KDM5A: variants seen among roughly 807,000 people sequenced by gnomAD.
KDM5A encodes lysine-specific demethylase 5A.
KDM5A carries 42 observed loss-of-function variants against 193.5 expected under a neutral mutation model. The observed-to-expected ratio is 0.22, with a 90% CI of 0.17 to 0.28. KDM5A has a LOEUF of 0.28. Ranked by LOEUF, KDM5A falls within the 10% of genes least tolerant of loss-of-function variation. The probability of loss-of-function intolerance (pLI) is 1.00; values close to 1 mark genes in which losing one functional copy is unlikely to be tolerated. For missense variants in KDM5A, 1,692 were observed against 2,055.1 expected (o/e 0.82, Z 3.42); for synonymous variants, 796 against 718.1 (o/e 1.11, Z -1.73).
At chr12:351,128 C>T (rs1191613522) in intron 9 of KDM5A, among the ~76,000 whole-genome samples, 3 of 152,122 alleles carry the variant, frequency 2.0e-5, no homozygotes, top group African/African-American at 7.2e-5. Context: ...ATGATTTTAA[C>T]ACAAAATTTC....
At position 349,208 on chromosome 12, in the gene KDM5A, C is replaced by T. The variant is rs920838437; in HGVS notation, c.1308+1413G>A. Among the ~76,000 whole-genome samples the T allele has an allele frequency of 5.3e-5, 8 of 151,446 alleles. 1 individual carries two copies. The highest frequency in any genetic ancestry group is 4.2e-4 in the South Asian group (2 of 4,796). On this transcript the variant is annotated intron_variant, in intron 10 of 27. Transcript: ENST00000399788. ...GTTAATTTTTTATATTTAGTAGAGA[C>T]GGGGTTTCACCATGTTGGTCAGGCT... is the stretch of plus-strand genomic sequence containing the variant.
rs1944308725 is a variant in KDM5A, at chr12:362,837, A to T, written c.672+126T>A. ...TGAGCCAGGCACAGCAGCGCATACC[A>T]ACCAGCAATACTCAAGAGGCGGAGG... On this transcript the variant is annotated intron_variant, in intron 5 of 27. Coordinates refer to ENST00000399788, the MANE Select transcript of KDM5A (RefSeq NM_001042603.3). The T allele has an allele frequency of 4.8e-6, 4 of 841,130 alleles. No homozygotes were observed. In the Admixed American group the frequency reaches 8.4e-5, roughly 18 times the overall value. 52.1% of individuals were successfully genotyped at this position (841,130 alleles called of 1,614,324 possible). A position where few individuals can be genotyped will look rare whatever the true frequency, so the allele number is the denominator to read the frequency against.
At position 307,431 on chromosome 12, in the gene KDM5A, A is replaced by C. The variant is rs1342805146; in HGVS notation, c.3930+23T>G. On this transcript the variant is annotated intron_variant, in intron 23 of 27. Coordinates refer to ENST00000399788, the MANE Select transcript of KDM5A (RefSeq NM_001042603.3). This position sits in a 1 kb window ranked among gnomAD's most constrained non-coding sequence, Gnocchi z 4.3. The stretch of plus-strand genomic sequence containing the variant: ...ACTGACATATCCCATGAAATAGAAA[A>C]AGAATGTAAATCCTAAACTTGCCTG... 1 of 1,608,540 alleles carries C rather than the reference A, an allele frequency of 6.2e-7. No homozygotes were observed. The highest frequency in any genetic ancestry group is 8.5e-7 in the Non-Finnish European group (1 of 1,176,670).
Position 307,701 on chromosome 12 carries a change from G to A in KDM5A, c.3683C>T (p.Ser1228Leu). Residue 1228 changes from serine to leucine, a missense_variant, in exon 23 of 28, where the codon TCA becomes TTA. Coordinates refer to ENST00000399788, the MANE Select transcript of KDM5A (RefSeq NM_001042603.3). The surrounding 1 kb of genome is among the most constrained non-coding windows in gnomAD (Gnocchi z 4.3). ...CAACTTCTGAAGGGATACCAGGAGT[G>A]ACAGAATAGTCTCTAGCCTGGGCCT... ...SRRPRLETIL[S>L]LLVSLQKLPV... 8 of 1,614,148 alleles carry A rather than the reference G, an allele frequency of 5.0e-6. No individual in the cohort carries two copies. Among genetic ancestry groups the A allele is most frequent in the Non-Finnish European group, 6.8e-6 (8 of 1,180,030 alleles).
intron 1 of KDM5A, chr12:388,257 C>T (rs1417506289): frequency 1.5e-5 from 7 of 455,744 alleles, no homozygotes; most frequent in Admixed American, 2.4e-5. Flanking sequence ...TATAATTAAC[C>T]TTATAGGCAA....
intron 19 of KDM5A, among the ~76,000 whole-genome samples, chr12:314,804 G>C (rs1943630708): frequency 6.6e-6 from 1 of 152,174 alleles, no homozygotes; most frequent in Non-Finnish European, 1.5e-5. Context: ...TGCAGAGAAA[G>C]AACACAGATG....
In KDM5A at chr12:354,239, T is replaced by TA. The variant is rs774270936; in HGVS notation, c.871-6dup. 4.3e-3 allele frequency: 6,244 copies of TA among 1,464,072 alleles called. 12 individuals are homozygous for TA. The highest frequency in any genetic ancestry group is 0.02 in the African/African-American group (1,383 of 70,642). 90.7% of individuals were successfully genotyped at this position (1,464,072 alleles called of 1,614,324 possible). On this transcript the variant is annotated splice_polypyrimidine_tract_variant and splice_region_variant and intron_variant, in intron 7 of 27. Transcript: ENST00000399788. ...CATACAAACATAGAGATCAACCTGT[T>TA]AAAAAAAAAATAAATGAAAGTCTAT...
chr12:281,439 C>T lies in KDM5A; in HGVS notation c.*4017G>A. On this transcript the variant is annotated 3_prime_UTR_variant, in exon 28 of 28. Transcript: ENST00000399788. The stretch of plus-strand genomic sequence containing the variant: ...GGATATGATCCAGGCCAAGACAAGA[C>T]CAAAATTCAAAAAATACATTAACAG... The T allele has an allele frequency of 4.3e-6, 1 of 232,974 alleles. No homozygotes were observed. The allele number at this position is 232,974 out of a possible 1,614,324, so 14.4% of individuals were successfully genotyped here.
chr12:361,398 G>A (rs906920231), intron 5 of KDM5A, among the ~76,000 whole-genome samples: 6 of 152,090 alleles, frequency 3.9e-5, no homozygotes, highest in African/African-American at 1.4e-4. Context: ...ATTTCACCGT[G>A]TTAGCCAGGA....
At chr12:337,116 T>C (rs1415511023) in intron 10 of KDM5A, among the ~76,000 whole-genome samples, 1 of 152,294 alleles carries the variant, frequency 6.6e-6, no homozygotes, top group East Asian at 1.9e-4. Flanking sequence ...TTTAAAAGTG[T>C]GGGGCAACTC....
chr12:355,977 C>G (rs1016033794), intron 6 of KDM5A, among the ~76,000 whole-genome samples: 1 of 152,128 alleles, frequency 6.6e-6, no homozygotes, highest in Non-Finnish European at 1.5e-5. Context: ...AACAGACTTA[C>G]TAAAGAAAAC....
At position 389,080 on chromosome 12, in the gene KDM5A, C is replaced by T. The variant is rs1406215333; in HGVS notation, c.12G>A (p.Val4=). The change falls in exon 1 of 28, where the codon GTG becomes GTA. Residue 4 remains valine, a synonymous_variant. Coordinates refer to ENST00000399788, the MANE Select transcript of KDM5A (RefSeq NM_001042603.3). The stretch of plus-strand genomic sequence containing the variant: ...ACTCCGCCGCGTAGCCCCCCGGCCC[C>T]ACGCCCGCCATTGCAACGGCCGGGG... MAG[V]GPGGYAAEFV... is the part of the protein sequence containing the mutation. 35 of 1,606,922 alleles carry T rather than the reference C, an allele frequency of 2.2e-5. No homozygotes were observed. Among genetic ancestry groups the T allele is most frequent in the Non-Finnish European group, 2.8e-5 (33 of 1,178,438 alleles).
intron 9 of KDM5A, among the ~76,000 whole-genome samples, chr12:350,989 T>A (rs1038511470): frequency 3.3e-5 from 5 of 152,174 alleles, no homozygotes; most frequent in African/African-American, 9.7e-5. Flanking sequence ...CATAATGAAC[T>A]GTGCTGCCCT....
Position 323,648 on chromosome 12 carries a change from T to C in KDM5A, c.2102A>G (p.Tyr701Cys), listed in dbSNP as rs1333404188. The part of the protein sequence containing the change: ...SCNPERLVCL[Y>C]HPTDLCPCPM... ...GCAGGGGCACAGATCAGTTGGATGG[T>C]AGAGACATACAAGCCGCTCAGGATT... The change falls in exon 15 of 28, where the codon TAC becomes TGC. Residue 701 changes from tyrosine to cysteine, a missense_variant. Tyr to Cys is a radical substitution (Grantham distance 194). Around this residue, in one of 11 missense-constraint regions of KDM5A, gnomAD observed 88 missense variants for 124.6 expected, o/e 0.71. Transcript: ENST00000399788. 5.0e-6 allele frequency: 8 copies of C among 1,614,052 alleles called. No homozygotes were observed. Among genetic ancestry groups the C allele is most frequent in the African/African-American group, 1.3e-5 (1 of 74,924 alleles).
At chr12:293,788 A>AGGGGG (rs34107168) in intron 26 of KDM5A, among the ~76,000 whole-genome samples, 12 of 82,864 alleles carry the variant, frequency 1.4e-4, no homozygotes, top group Non-Finnish European at 2.4e-4. Flanking sequence ...CAAAAAAAAA[A>AGGGGG]GGGGGGGGGG....
At chr12:354,814 C>G (rs1944210983) in intron 7 of KDM5A, among the ~76,000 whole-genome samples, 1 of 151,952 alleles carries the variant, frequency 6.6e-6, no homozygotes, top group African/African-American at 2.4e-5. Flanking sequence ...AATCAATTTA[C>G]ATGTATTTTT....
At chr12:323,555 T>C in intron 15 of KDM5A, 45 bp downstream of exon 15, 1 of 1,566,662 alleles carries the variant, frequency 6.4e-7, no homozygotes. Flanking sequence ...TAAAACTTGG[T>C]TTTAAAAAAA....
At chr12:354,822 T>G (rs1944211033) in intron 7 of KDM5A, among the ~76,000 whole-genome samples, 1 of 152,172 alleles carries the variant, frequency 6.6e-6, no homozygotes, top group Admixed American at 6.5e-5. Flanking sequence ...TACATGTATT[T>G]TTAAAAATAC....
rs1161327767 is a variant in KDM5A, at chr12:334,316, T to C, written c.1415A>G (p.Tyr472Cys). 1 of 1,614,024 alleles carries C rather than the reference T, an allele frequency of 6.2e-7. No individual in the cohort carries two copies. Among genetic ancestry groups the C allele is most frequent in the East Asian group, 2.2e-5 (1 of 44,888 alleles). Residue 472 changes from tyrosine to cysteine, a missense_variant, in exon 11 of 28, where the codon TAT becomes TGT. Around this residue, in one of 11 missense-constraint regions of KDM5A, gnomAD observed 172 missense variants for 260.3 expected, o/e 0.66. Coordinates refer to ENST00000399788, the MANE Select transcript of KDM5A (RefSeq NM_001042603.3). ...DISGMKVPWLYVGMCFSSFCW... is the reference protein window; with the variant it reads ...DISGMKVPWLCVGMCFSSFCW... ...AAAAGAAGAGAAGCACATTCCCACATAGAGCCACGGCACTTTCATACCAGA... is the reference window on the plus strand; with the variant it reads ...AAAAGAAGAGAAGCACATTCCCACACAGAGCCACGGCACTTTCATACCAGA...
Sources: allele counts gnomAD v4.1 joint callset (sites outside exome capture counted in the v4.1 genomes callset), GRCh38; gene constraint gnomAD v4.1.1; regional missense constraint gnomAD v4.1.1; non-coding constraint Gnocchi (gnomAD v3.1); transcripts MANE v1.5; gene names NCBI Gene and HGNC (gene_info 2026-07-23, HGNC 2026-07-21).